Variants in SORCS2 observed in about 807,000 individuals in gnomAD.
SORCS2 encodes the protein VPS10 domain-containing receptor SorCS2.
SORCS2 carries 100 observed loss-of-function variants against 141.6 expected under a neutral mutation model. The ratio of observed to expected loss-of-function variants is 0.71; its 90% CI spans 0.60 to 0.83. The LOEUF (loss-of-function observed/expected upper bound fraction) is 0.83. Among genes scored for constraint, SORCS2 ranks in the 40% least tolerant of loss-of-function variants. The pLI, the probability that SORCS2 is intolerant of heterozygous loss-of-function variation, is 0.00. For missense variants in SORCS2, 1,646 were observed against 1,560.2 expected, an observed-to-expected ratio of 1.05 and a Z score of -0.93; for synonymous variants, 789 against 676.9, an observed-to-expected ratio of 1.17 and a Z score of -2.57.
chr4:7,707,854 G>A (rs781055072), intron 14 of SORCS2, among the ~76,000 whole-genome samples: 3 of 152,224 alleles, frequency 2.0e-5, no homozygotes, highest in African/African-American at 7.2e-5. Flanking sequence ...GCAGGGGCCT[G>A]GCTGGGGAGA....
At chr4:7,471,342 G>A (rs1729964614) in intron 2 of SORCS2, among the ~76,000 whole-genome samples, 2 of 152,214 alleles carry the variant, frequency 1.3e-5, no homozygotes, top group South Asian at 4.1e-4. Context: ...GTGGCTCTGT[G>A]GTCCCCTGTG....
chr4:7,418,213 A>G (rs1028816467), intron 2 of SORCS2, among the ~76,000 whole-genome samples: 1 of 152,192 alleles, frequency 6.6e-6, no homozygotes, highest in African/African-American at 2.4e-5. Flanking sequence ...TGAGGCAGAC[A>G]CAGCCTCTGT....
intron 1 of SORCS2, among the ~76,000 whole-genome samples, chr4:7,342,597 G>T (rs1720427644): frequency 6.6e-6 from 1 of 152,096 alleles, no homozygotes; most frequent in Admixed American, 6.5e-5. Flanking sequence ...GGCGAACCTT[G>T]CAGGGACCTT....
At chr4:7,696,659 C>T (rs73204709) in intron 11 of SORCS2, among the ~76,000 whole-genome samples, 16,942 of 152,236 alleles carry the variant, frequency 0.11, 1,205 homozygotes, top group Middle Eastern at 0.23. Flanking sequence ...ACATTCTGCA[C>T]CCCCAGTTGG....
intron 1 of SORCS2, among the ~76,000 whole-genome samples, chr4:7,316,880 C>T (rs976464005): frequency 3.9e-5 from 6 of 152,176 alleles, no homozygotes; most frequent in Admixed American, 3.9e-4. Context: ...TGACCACTCT[C>T]AAGCTCCTGA....
chr4:7,725,406 C>A (rs1460606417), intron 20 of SORCS2, 119 bp downstream of exon 20: 47 of 1,381,522 alleles, frequency 3.4e-5, no homozygotes, highest in Non-Finnish European at 4.3e-5. Context: ...GTGCACTCCT[C>A]ACCCTTGGGC....
chr4:7,368,391 G>T (rs960275920), intron 1 of SORCS2, among the ~76,000 whole-genome samples: 2 of 152,226 alleles, frequency 1.3e-5, no homozygotes, highest in Non-Finnish European at 1.5e-5. Context: ...CCTCCCACGG[G>T]CCTGGTCACT....
chr4:7,730,518 T>C (rs1459272992), intron 23 of SORCS2, among the ~76,000 whole-genome samples: 1 of 152,226 alleles, frequency 6.6e-6, no homozygotes, highest in African/African-American at 2.4e-5. Context: ...AGAAACAAAT[T>C]GTGGTCCAAC....
intron 2 of SORCS2, among the ~76,000 whole-genome samples, chr4:7,484,269 G>A (rs1034437117): frequency 6.6e-6 from 1 of 152,226 alleles, no homozygotes; most frequent in African/African-American, 2.4e-5. Flanking sequence ...GGTGTGCTGA[G>A]AATTACATCT....
chr4:7,623,447 G>C (rs1341998842), intron 3 of SORCS2, among the ~76,000 whole-genome samples: 2 of 151,918 alleles, frequency 1.3e-5, no homozygotes, highest in East Asian at 3.9e-4. Flanking sequence ...CTGCCTCTCT[G>C]GCCACTCCTT....
intron 3 of SORCS2, among the ~76,000 whole-genome samples, chr4:7,539,947 C>A (rs1290261234): frequency 6.7e-6 from 1 of 150,324 alleles, no homozygotes; most frequent in African/African-American, 2.5e-5. Flanking sequence ...GAAGGTCTCA[C>A]CCCCTCCCTG....
At chr4:7,349,447 C>G (rs1028662723) in intron 1 of SORCS2, among the ~76,000 whole-genome samples, 2 of 152,056 alleles carry the variant, frequency 1.3e-5, no homozygotes, top group Non-Finnish European at 2.9e-5. Context: ...GTGTCCTGCG[C>G]CAGGCTGCCT....
Position 7,545,208 on chromosome 4 carries a change from A to G in SORCS2, c.648+13579A>G, listed in dbSNP as rs147708402. On this transcript the variant is annotated intron_variant, in intron 3 of 26. Coordinates refer to ENST00000507866, the MANE Select transcript of SORCS2 (RefSeq NM_020777.3). The stretch of plus-strand genomic sequence containing the variant: ...TCCTGAATCTCCTGCCCCTGGAACT[A>G]ATAAAACAGAGAGGAAGGGACTCTG... Among the ~76,000 whole-genome samples the G allele has an allele frequency of 1.6e-3, 239 of 152,218 alleles. 1 individual carries two copies. The highest frequency in any genetic ancestry group is 3.4e-3 in the Middle Eastern group (1 of 294).
chr4:7,294,157 A>G (rs1318014302), intron 1 of SORCS2, among the ~76,000 whole-genome samples: 1 of 152,152 alleles, frequency 6.6e-6, no homozygotes, highest in Non-Finnish European at 1.5e-5. Context: ...TGAGCGTCCT[A>G]TGTGCATACG....
intron 8 of SORCS2, among the ~76,000 whole-genome samples, chr4:7,672,909 T>C (rs929370336): frequency 5.9e-5 from 9 of 152,242 alleles, no homozygotes; most frequent in African/African-American, 1.9e-4. Context: ...CCTGTTTCTG[T>C]TACTCACAAG....
At chr4:7,300,430 G>C (rs1717359047) in intron 1 of SORCS2, among the ~76,000 whole-genome samples, 1 of 152,118 alleles carries the variant, frequency 6.6e-6, no homozygotes, top group Non-Finnish European at 1.5e-5. Flanking sequence ...TGCCTCTCTA[G>C]CTTCTGCACC....
chr4:7,474,078 C>G (rs1341092252), intron 2 of SORCS2, among the ~76,000 whole-genome samples: 5 of 152,180 alleles, frequency 3.3e-5, no homozygotes, highest in Non-Finnish European at 7.3e-5. Flanking sequence ...GATGGCCTCC[C>G]CCTCAGAGCT....
intron 3 of SORCS2, among the ~76,000 whole-genome samples, chr4:7,582,664 A>C (rs1716238628): frequency 6.7e-6 from 1 of 149,508 alleles, no homozygotes; most frequent in South Asian, 2.2e-4. Flanking sequence ...AAAACAAAAA[A>C]CAAAAAAAAG....
At position 7,723,686 on chromosome 4, in the gene SORCS2, T is replaced by C. The variant is rs1334499630; in HGVS notation, c.2425-11T>C. ...CCCACTCCTGAGTGGCCACATGGTG[T>C]TTCTCTGCAGGGTGATGTCCTGACT... is the stretch of plus-strand genomic sequence containing the variant. On this transcript the variant is annotated splice_polypyrimidine_tract_variant and intron_variant, in intron 18 of 26. Coordinates refer to ENST00000507866, the MANE Select transcript of SORCS2 (RefSeq NM_020777.3). The C allele has an allele frequency of 7.4e-6, 12 of 1,613,568 alleles. No individual in the cohort carries two copies. The highest frequency in any genetic ancestry group is 1.0e-5 in the Non-Finnish European group (12 of 1,179,796).
Sources: allele counts gnomAD v4.1 joint callset (sites outside exome capture counted in the v4.1 genomes callset), GRCh38; gene constraint gnomAD v4.1.1; transcripts MANE v1.5; gene names NCBI Gene and HGNC (gene_info 2026-07-23, HGNC 2026-07-21).